Variants in OSBP2 observed in about 807,000 individuals in gnomAD.
The protein encoded by OSBP2 is oxysterol-binding protein 2.
OSBP2 carries 66 observed loss-of-function variants against 96.0 expected under a neutral mutation model. The observed-to-expected ratio is 0.69, with a 90% CI of 0.56 to 0.84. OSBP2 has a LOEUF of 0.84. Among genes scored for constraint, OSBP2 ranks in the 40% least tolerant of loss-of-function variants. The pLI is 0.00. For missense variants in OSBP2, 1,038 were observed against 1,222.7 expected, an observed-to-expected ratio of 0.85 and a Z score of 2.25; for synonymous variants, 525 against 520.9, an observed-to-expected ratio of 1.01 and a Z score of -0.11.
chr22:30,742,998 G>A (rs186672561), intron 2 of OSBP2, among the ~76,000 whole-genome samples: 45 of 152,336 alleles, frequency 3.0e-4, no homozygotes, highest in Admixed American at 1.7e-3. Context: ...CCTGCCCAGA[G>A]CTACAGTAAA....
chr22:30,858,120 GTTTTT>G (rs148749673), intron 2 of OSBP2, among the ~76,000 whole-genome samples: 1 of 132,784 alleles, frequency 7.5e-6, no homozygotes, highest in Non-Finnish European at 1.6e-5. Flanking sequence ...GATTCACTTT[GTTTTT>G]TTTTTGTTTG....
At chr22:30,798,458 G>A (rs1029660212) in intron 2 of OSBP2, among the ~76,000 whole-genome samples, 6 of 151,910 alleles carry the variant, frequency 3.9e-5, no homozygotes, top group African/African-American at 7.3e-5. Flanking sequence ...TTTTGTTATC[G>A]TCTGTACCTT....
intron 3 of OSBP2, among the ~76,000 whole-genome samples, chr22:30,882,646 G>A (rs919979173): frequency 1.3e-5 from 2 of 152,228 alleles, no homozygotes; most frequent in Non-Finnish European, 2.9e-5. Flanking sequence ...GGAAAGGCAA[G>A]AAGACAGGAT....
At chr22:30,902,636 A>C in intron 12 of OSBP2, 2 of 635,052 alleles carry the variant, frequency 3.1e-6, no homozygotes, top group South Asian at 3.3e-5. Context: ...CAAAGAACCG[A>C]CAGAGGAGGG....
At chr22:30,845,553 G>C (rs1034820194) in intron 2 of OSBP2, among the ~76,000 whole-genome samples, 15 of 151,648 alleles carry the variant, frequency 9.9e-5, no homozygotes, top group Admixed American at 5.9e-4. Context: ...ATGCAGGGTT[G>C]CTACTGACCT....
At chr22:30,733,215 G>A (rs1207593775) in intron 1 of OSBP2, among the ~76,000 whole-genome samples, 1 of 152,172 alleles carries the variant, frequency 6.6e-6, no homozygotes, top group African/African-American at 2.4e-5. Context: ...GCCGCGAGAT[G>A]AGCCTTGGTG....
chr22:30,851,799 T>C (rs1279622634), intron 2 of OSBP2, among the ~76,000 whole-genome samples: 4 of 152,184 alleles, frequency 2.6e-5, no homozygotes, highest in Non-Finnish European at 5.9e-5. Context: ...AAGATTTTTA[T>C]AGATGCCTTT....
chr22:30,862,962 CAAA>C (rs5844927), intron 2 of OSBP2, among the ~76,000 whole-genome samples: 2 of 139,770 alleles, frequency 1.4e-5, no homozygotes, highest in African/African-American at 2.6e-5. Flanking sequence ...GACTCTGTCT[CAAA>C]AAAAAAAAAA....
rs146331366 is a variant in OSBP2 at position 30,778,085 on chromosome 22, C to G, written c.853+36716C>G. On this transcript the variant is annotated intron_variant, in intron 2 of 13. Transcript: ENST00000332585. The stretch of plus-strand genomic sequence containing the variant: ...ATCTCGGTTCACTGCAACTCTGCCT[C>G]CCGGGTTCAAGAGATTCTTGTGCCT... Among the ~76,000 whole-genome samples, 15 of 151,640 alleles carry G rather than the reference C, an allele frequency of 9.9e-5. 1 individual carries two copies. In the East Asian group the frequency reaches 2.9e-3, roughly 29 times the overall value.
intron 2 of OSBP2, among the ~76,000 whole-genome samples, chr22:30,821,887 C>T (rs1396329471): frequency 2.6e-5 from 4 of 152,232 alleles, no homozygotes; most frequent in Non-Finnish European, 5.9e-5. Flanking sequence ...CTGTAATAAA[C>T]CTTGTAATTA....
At chr22:30,778,720 G>T (rs535490222) in intron 2 of OSBP2, among the ~76,000 whole-genome samples, 1 of 152,140 alleles carries the variant, frequency 6.6e-6, no homozygotes, top group South Asian at 2.1e-4. Flanking sequence ...AGTACGAGAT[G>T]AAAACATTAG....
intron 1 of OSBP2, among the ~76,000 whole-genome samples, chr22:30,696,154 G>C (rs1247775365): frequency 6.6e-6 from 1 of 152,134 alleles, no homozygotes; most frequent in Non-Finnish European, 1.5e-5. Context: ...GTGTTTTGCT[G>C]CCCTCCTTTC....
At chr22:30,727,526 A>T (rs977835318) in intron 1 of OSBP2, among the ~76,000 whole-genome samples, 3 of 152,174 alleles carry the variant, frequency 2.0e-5, no homozygotes, top group African/African-American at 7.2e-5. Flanking sequence ...CTGGACAGCG[A>T]GCTCTGTGGA....
At chr22:30,862,506 C>G (rs1337761077) in intron 2 of OSBP2, among the ~76,000 whole-genome samples, 1 of 152,140 alleles carries the variant, frequency 6.6e-6, no homozygotes, top group African/African-American at 2.4e-5. Context: ...ATGGTTAAAC[C>G]CTGTCTCTAC....
At chr22:30,783,065 C>CT (rs567123014) in intron 2 of OSBP2, among the ~76,000 whole-genome samples, 14,984 of 103,970 alleles carry the variant, frequency 0.14, 1,495 homozygotes, top group African/African-American at 0.18. Flanking sequence ...GAACCTGTGG[C>CT]TTTTTTTTTT....
intron 1 of OSBP2, among the ~76,000 whole-genome samples, chr22:30,714,078 C>T (rs2089404937): frequency 6.6e-6 from 1 of 152,156 alleles, no homozygotes; most frequent in Non-Finnish European, 1.5e-5. Flanking sequence ...CTATCCTTCC[C>T]AGCCTCTAAT....
At position 30,764,356 on chromosome 22, in the gene OSBP2, GC is replaced by G. The variant is rs2090244002; in HGVS notation, c.853+22989del. 1.9e-5 allele frequency: 19 copies of G among 985,420 alleles called. No individual in the cohort carries two copies. In the South Asian group the frequency reaches 8.9e-4, roughly 46 times the overall value. The allele number at this position is 985,420 out of a possible 1,614,324, so 61.0% of individuals were successfully genotyped here. A position where few individuals can be genotyped will look rare whatever the true frequency, so the allele number is the denominator to read the frequency against. On this transcript the variant is annotated intron_variant, in intron 2 of 13. Coordinates refer to ENST00000332585, the MANE Select transcript of OSBP2 (RefSeq NM_030758.4). Reference sequence around the variant, plus strand: ...GCCCTAAAGAATACCTGGACAGCCTGCCACCCTATTGCTCCAAAATGAAAAT... The same window carrying G: ...GCCCTAAAGAATACCTGGACAGCCTGCACCCTATTGCTCCAAAATGAAAAT...
chr22:30,857,992 C>T lies in OSBP2; in HGVS notation c.854-12437C>T, dbSNP rs1022667163. The stretch of plus-strand genomic sequence containing the variant: ...CCCACTACACTGCAGACAGAAGAGG[C>T]GGGAGGGTGTCCGGAGAAAGTATGC... On this transcript the variant is annotated intron_variant, in intron 2 of 13. Transcript: ENST00000332585. Among the ~76,000 whole-genome samples the T allele has an allele frequency of 3.4e-4, 51 of 152,046 alleles. 1 individual carries two copies. The highest frequency in any genetic ancestry group is 6.5e-4 in the Non-Finnish European group (44 of 68,016).
At chr22:30,774,099 G>C (rs2090395744) in intron 2 of OSBP2, among the ~76,000 whole-genome samples, 5 of 152,160 alleles carry the variant, frequency 3.3e-5, no homozygotes, top group Admixed American at 2.6e-4. Context: ...GACCACCAAT[G>C]AGAGGTGGCT....
Sources: allele counts gnomAD v4.1 joint callset (sites outside exome capture counted in the v4.1 genomes callset), GRCh38; gene constraint gnomAD v4.1.1; transcripts MANE v1.5; gene names NCBI Gene and HGNC (gene_info 2026-07-23, HGNC 2026-07-21).